The following SH3BGRL2 variants were observed in gnomAD, a reference collection of about 807,000 sequenced individuals.
The protein encoded by SH3BGRL2 is SH3 domain binding glutamate rich protein like 2.
A neutral mutation model predicts 14.8 loss-of-function variants in SH3BGRL2; 21 were observed. The ratio of observed to expected loss-of-function variants is 1.42; its 90% confidence interval spans 1.01 to 2.05. The LOEUF is 2.05. Ranked by LOEUF, SH3BGRL2 falls within the 30% of genes most tolerant of loss-of-function variation. The pLI is 0.00. For missense variants in SH3BGRL2, 147 were observed against 130.8 expected (o/e 1.12, Z -0.61); for synonymous variants, 50 against 47.8 (o/e 1.05, Z -0.19).
intron 1 of SH3BGRL2, among the ~76,000 whole-genome samples, chr6:79,641,759 A>C (rs1769037729): frequency 6.6e-6 from 1 of 152,200 alleles, no homozygotes; most frequent in African/African-American, 2.4e-5. Context: ...ATAACAGTAA[A>C]AAAAAATCAC....
At chr6:79,657,795 T>A (rs528356671) in intron 1 of SH3BGRL2, among the ~76,000 whole-genome samples, 65 of 152,302 alleles carry the variant, frequency 4.3e-4, no homozygotes, top group Middle Eastern at 3.4e-3. Flanking sequence ...TAATTTTTTT[T>A]AAATTTTAAT....
chr6:79,681,599 G>A (rs1324924623), intron 2 of SH3BGRL2, among the ~76,000 whole-genome samples: 1 of 152,152 alleles, frequency 6.6e-6, no homozygotes, highest in Non-Finnish European at 1.5e-5. Context: ...AGGAGACAAG[G>A]AGATGTGTTA....
the SH3BGRL2 span, among the ~76,000 whole-genome samples, chr6:79,583,073 C>T: frequency 1.3e-5 from 2 of 152,272 alleles, no homozygotes; most frequent in Admixed American, 1.3e-4. Flanking sequence ...AAATTAAAAC[C>T]ACAATGAGAT....
chr6:79,599,531 C>T, the SH3BGRL2 span, among the ~76,000 whole-genome samples: 7 of 151,972 alleles, frequency 4.6e-5, no homozygotes, highest in Admixed American at 1.3e-4. Context: ...CTGCCATGCC[C>T]GGCTAATTTT....
the SH3BGRL2 span, among the ~76,000 whole-genome samples, chr6:79,602,011 C>T: frequency 6.0e-3 from 905 of 152,090 alleles, 6 homozygotes; most frequent in Middle Eastern, 0.01. Context: ...GCTTCCTAGC[C>T]GCCAAAGTAA....
At chr6:79,665,254 C>T (rs896570036) in intron 1 of SH3BGRL2, among the ~76,000 whole-genome samples, 2 of 152,154 alleles carry the variant, frequency 1.3e-5, no homozygotes, top group Non-Finnish European at 2.9e-5. Flanking sequence ...CTTTACAACA[C>T]ACCTAAATCT....
At chr6:79,666,463 G>A (rs1769661703) in intron 1 of SH3BGRL2, among the ~76,000 whole-genome samples, 2 of 152,168 alleles carry the variant, frequency 1.3e-5, no homozygotes, top group South Asian at 4.1e-4. Context: ...AGTACTTTCT[G>A]CCATTTGCAT....
intron 1 of SH3BGRL2, among the ~76,000 whole-genome samples, chr6:79,673,099 G>C (rs531706601): frequency 6.6e-6 from 1 of 151,288 alleles, no homozygotes; most frequent in South Asian, 2.1e-4. Flanking sequence ...GATGGTTTTG[G>C]GCAAAGGGAG....
chr6:79,681,153 C>G (rs1225982630), intron 2 of SH3BGRL2, among the ~76,000 whole-genome samples: 2 of 151,994 alleles, frequency 1.3e-5, no homozygotes, highest in Admixed American at 1.3e-4. Context: ...GGGAGAAAAA[C>G]CAAGTGGGGT....
the SH3BGRL2 span, among the ~76,000 whole-genome samples, chr6:79,538,018 GTTTTTT>G: frequency 0.032 from 1,421 of 43,890 alleles, 48 homozygotes; most frequent in East Asian, 0.3. Flanking sequence ...TTGCACACAA[GTTTTTT>G]TTTTTTTTTT....
chr6:79,602,910 T>C, the SH3BGRL2 span, among the ~76,000 whole-genome samples: 1 of 152,184 alleles, frequency 6.6e-6, no homozygotes, highest in African/African-American at 2.4e-5. Flanking sequence ...TATTCTTTTC[T>C]AGTCTTCTGA....
At chr6:79,661,935 CAG>C (rs1335063461) in intron 1 of SH3BGRL2, among the ~76,000 whole-genome samples, 2 of 152,138 alleles carry the variant, frequency 1.3e-5, no homozygotes, top group Non-Finnish European at 2.9e-5. Context: ...TCTGTTTTAT[CAG>C]AGACTAGGAT....
In SH3BGRL2 at chr6:79,699,859, C is replaced by T. The variant is rs908868871; in HGVS notation, c.*350C>T. On this transcript the variant is annotated 3_prime_UTR_variant, in exon 4 of 4. Transcript: ENST00000369838. ...ATCTGCCCTAGGTTATAGTAGATGC[C>T]GGAATTGCGTAAACCCACTTCTCTT... 29 of 284,096 alleles carry T rather than the reference C, an allele frequency of 1.0e-4. No individual in the cohort carries two copies. The highest frequency in any genetic ancestry group is 9.7e-4 in the East Asian group (16 of 16,558). The allele number at this position is 284,096 out of a possible 1,614,324, so 17.6% of individuals were successfully genotyped here. A position where few individuals can be genotyped will look rare whatever the true frequency, so the allele number is the denominator to read the frequency against.
chr6:79,571,684 C>T, the SH3BGRL2 span, among the ~76,000 whole-genome samples: 17 of 152,222 alleles, frequency 1.1e-4, no homozygotes, highest in African/African-American at 3.6e-4. Flanking sequence ...AGCCAAGTCC[C>T]TTTACCTTCA....
chr6:79,636,968 T>C (rs1376168138), intron 1 of SH3BGRL2, among the ~76,000 whole-genome samples: 1 of 152,196 alleles, frequency 6.6e-6, no homozygotes, highest in Non-Finnish European at 1.5e-5. Context: ...TCAGTATCTT[T>C]TGGGTGAGAC....
intron 3 of SH3BGRL2, 59 bp downstream of exon 3, chr6:79,696,624 A>C (rs1770337517): frequency 1.6e-6 from 2 of 1,287,376 alleles, no homozygotes; most frequent in African/African-American, 3.1e-5. Context: ...TTTTTCTTAG[A>C]GATGTAGAGT....
chr6:79,591,893 G>T, the SH3BGRL2 span, among the ~76,000 whole-genome samples: 4 of 152,046 alleles, frequency 2.6e-5, no homozygotes, highest in Non-Finnish European at 4.4e-5. Flanking sequence ...CCTCACACTG[G>T]TATTATTATA....
At chr6:79,610,046 T>C in the SH3BGRL2 span, among the ~76,000 whole-genome samples, 5 of 152,362 alleles carry the variant, frequency 3.3e-5, no homozygotes, top group African/African-American at 1.2e-4. Flanking sequence ...ATGCCTGCTT[T>C]TCCACACACT....
the SH3BGRL2 span, among the ~76,000 whole-genome samples, chr6:79,623,346 C>G: frequency 9.9e-5 from 15 of 151,468 alleles, no homozygotes; most frequent in Middle Eastern, 0.014. Flanking sequence ...GGGCAATTAA[C>G]ATGGGAAAGA....
Sources: allele counts gnomAD v4.1 joint callset (sites outside exome capture counted in the v4.1 genomes callset), GRCh38; gene constraint gnomAD v4.1.1; transcripts MANE v1.5; gene names NCBI Gene and HGNC (gene_info 2026-07-23, HGNC 2026-07-21).